MAST2: variants seen among roughly 807,000 people sequenced by gnomAD.
The protein encoded by MAST2 is microtubule associated serine/threonine kinase 2.
In MAST2, 70 loss-of-function variants were observed where a neutral mutation model predicts 147.4. The observed-to-expected ratio is 0.47, with a 90% CI of 0.39 to 0.58. The LOEUF (loss-of-function observed/expected upper bound fraction) is 0.58. Among genes scored for constraint, MAST2 ranks in the 20% least tolerant of loss-of-function variants. The probability of loss-of-function intolerance (pLI) is 0.00; values close to 1 mark genes in which losing one functional copy is unlikely to be tolerated. For missense variants in MAST2, 2,080 were observed against 2,302.3 expected (o/e 0.90, Z 1.98); for synonymous variants, 869 against 896.8 (o/e 0.97, Z 0.55).
At chr1:45,867,729 G>C (rs1646214065) in intron 3 of MAST2, among the ~76,000 whole-genome samples, 1 of 152,194 alleles carries the variant, frequency 6.6e-6, no homozygotes, top group African/African-American at 2.4e-5. Flanking sequence ...AAGCTCAGTA[G>C]CTTCCTCAAG....
At chr1:45,917,387 A>G in intron 4 of MAST2, 1 of 1,366,488 alleles carries the variant, frequency 7.3e-7, no homozygotes, top group Non-Finnish European at 9.8e-7. Flanking sequence ...ACATGTTTTC[A>G]CCCACATCTG....
chr1:45,905,077 C>A (rs1487170397), intron 4 of MAST2, among the ~76,000 whole-genome samples: 1 of 151,896 alleles, frequency 6.6e-6, no homozygotes, highest in Non-Finnish European at 1.5e-5. Flanking sequence ...TCCCAAAGTT[C>A]TGGGATTGTA....
chr1:45,863,625 A>C (rs554089563), intron 3 of MAST2, among the ~76,000 whole-genome samples: 5 of 152,214 alleles, frequency 3.3e-5, no homozygotes, highest in African/African-American at 1.2e-4. Flanking sequence ...ACTTTCCTTC[A>C]AGCCCTAGAC....
Position 46,034,933 on chromosome 1 carries a change from C to A in MAST2, c.4264C>A (p.Leu1422Ile), listed in dbSNP as rs767329333. The change falls in exon 29 of 29, where the codon CTA becomes ATA. Residue 1422 changes from leucine to isoleucine, a missense_variant. By Grantham distance (5) the Leu-to-Ile change is conservative (BLOSUM62 2). Coordinates refer to ENST00000361297, the MANE Select transcript of MAST2 (RefSeq NM_015112.3). ...AAALAASEKK[L>I]ATSRKHSLDL... is the part of the protein sequence containing the mutation. ...AGCACTTGCCGCCTCTGAGAAGAAG[C>A]TAGCCACTTCTCGCAAGCACAGCCT... 2 of 1,614,156 alleles carry A rather than the reference C, an allele frequency of 1.2e-6. No homozygotes were observed. The highest frequency in any genetic ancestry group is 8.5e-7 in the Non-Finnish European group (1 of 1,180,038).
intron 5 of MAST2, among the ~76,000 whole-genome samples, chr1:45,964,181 T>G (rs961636245): frequency 1.3e-5 from 2 of 152,238 alleles, no homozygotes; most frequent in African/African-American, 4.8e-5. Context: ...AATTCTCTTT[T>G]TTTGTTGTGT....
At chr1:45,936,270 A>G (rs1289250326) in intron 4 of MAST2, among the ~76,000 whole-genome samples, 1 of 152,210 alleles carries the variant, frequency 6.6e-6, no homozygotes, top group Non-Finnish European at 1.5e-5. Context: ...GCTGAAGTTT[A>G]TCAGATCTAG....
In MAST2 at chr1:46,031,644, C is replaced by G; in HGVS notation, c.3187+59C>G. Reference sequence around the variant, plus strand: ...AGGAAGGGCCTTGTAATCTCTAGGCCTTGGGAGGGTTCTGCACGTGGCAGG... The same window carrying G: ...AGGAAGGGCCTTGTAATCTCTAGGCGTTGGGAGGGTTCTGCACGTGGCAGG... On this transcript the variant is annotated intron_variant, in intron 24 of 28. Coordinates refer to ENST00000361297, the MANE Select transcript of MAST2 (RefSeq NM_015112.3). This position sits in a 1 kb window ranked among gnomAD's most constrained non-coding sequence, Gnocchi z 4.1. The G allele has an allele frequency of 6.5e-7, 1 of 1,530,008 alleles. No individual in the cohort carries two copies. The highest frequency in any genetic ancestry group is 8.9e-7 in the Non-Finnish European group (1 of 1,123,116). 94.8% of individuals were successfully genotyped at this position (1,530,008 alleles called of 1,614,324 possible). A position where few individuals can be genotyped will look rare whatever the true frequency, so the allele number is the denominator to read the frequency against.
At chr1:45,835,745 T>C (rs1645084128) in intron 3 of MAST2, among the ~76,000 whole-genome samples, 1 of 152,160 alleles carries the variant, frequency 6.6e-6, no homozygotes, top group Admixed American at 6.6e-5. Flanking sequence ...CCTCTACCCA[T>C]TAAACAGTCA....
chr1:45,969,505 C>T (rs1462185108), intron 5 of MAST2, among the ~76,000 whole-genome samples: 1 of 152,098 alleles, frequency 6.6e-6, no homozygotes, highest in Non-Finnish European at 1.5e-5. Context: ...TGAGCTCTGC[C>T]TCCTGTCAGA....
At position 46,035,526 on chromosome 1, in the gene MAST2, C is replaced by T; in HGVS notation, c.4857C>T (p.Ala1619=). The stretch of plus-strand genomic sequence containing the variant: ...TCCCTCCTGAAGGTTGCTGGAAGGC[C>T]CAGCACCTCCACACCCAGGCACTAA... ...DPIPPEGCWK[A]QHLHTQALTA... is the part of the protein sequence containing the mutation. The change falls in exon 29 of 29, where the codon GCC becomes GCT. Residue 1619 remains alanine (A), a synonymous_variant. Transcript: ENST00000361297. This position sits in a 1 kb window ranked among gnomAD's most constrained non-coding sequence, Gnocchi z 5.5. 1.2e-6 allele frequency: 2 copies of T among 1,613,282 alleles called. No homozygotes were observed. Among genetic ancestry groups the T allele is most frequent in the South Asian group, 2.2e-5 (2 of 91,068 alleles).
rs1194243280 is a variant in MAST2 at position 46,031,488 on chromosome 1, G to A, written c.3090G>A (p.Leu1030=). 11 of 1,614,048 alleles carry A rather than the reference G, an allele frequency of 6.8e-6. No individual in the cohort carries two copies. The highest frequency in any genetic ancestry group is 9.3e-6 in the Non-Finnish European group (11 of 1,180,026). Residue 1030 remains leucine, a synonymous_variant, in exon 24 of 29, where the codon CTG becomes CTA. Coordinates refer to ENST00000361297, the MANE Select transcript of MAST2 (RefSeq NM_015112.3). The surrounding 1 kb of genome is among the most constrained non-coding windows in gnomAD (Gnocchi z 4.1). ...DLAVRRARHR[L]LSGDSTEKRT... ...CTGTGCGTAGGGCCCGCCACCGGCT[G>A]CTCTCTGGGGACTCAACAGAGAAGC...
chr1:45,927,127 G>A lies in MAST2; in HGVS notation c.501-32259G>A, dbSNP rs555330474. 2.0e-5 allele frequency among the ~76,000 whole-genome samples: 3 copies of A among 152,308 alleles called. No homozygotes were observed. In the South Asian group the frequency reaches 6.2e-4, roughly 32 times the overall value. The stretch of plus-strand genomic sequence containing the variant: ...TTAGGGATTTTCAAAAGGGGAGGGA[G>A]TGTGCGAATAGGTGTGGGTGACAGA... On this transcript the variant is annotated intron_variant, in intron 4 of 28. Coordinates refer to ENST00000361297, the MANE Select transcript of MAST2 (RefSeq NM_015112.3).
chr1:46,022,170 G>A (rs1646215192), intron 12 of MAST2, 88 bp downstream of exon 12: 6 of 1,553,164 alleles, frequency 3.9e-6, no homozygotes, highest in Non-Finnish European at 5.3e-6. Context: ...AAGAGACTTA[G>A]CTTGGACATG....
chr1:45,873,385 A>G (rs1424405782), intron 3 of MAST2, among the ~76,000 whole-genome samples: 1 of 151,784 alleles, frequency 6.6e-6, no homozygotes, highest in East Asian at 1.9e-4. Context: ...ATTATTAGAG[A>G]CGAGGTCTCA....
At chr1:46,027,691 C>A in intron 16 of MAST2, 40 bp from the exon 17 acceptor site, 3 of 1,593,854 alleles carry the variant, frequency 1.9e-6, no homozygotes, top group Non-Finnish European at 2.6e-6. Context: ...TCTCAGAAAA[C>A]CAGGAATAAC....
intron 4 of MAST2, among the ~76,000 whole-genome samples, chr1:45,893,676 C>T (rs10890365): frequency 0.34 from 51,587 of 150,926 alleles, 9,179 homozygotes; most frequent in African/African-American, 0.44. Context: ...GACTCAGAAA[C>T]GTTATGGATA....
At chr1:46,011,829 T>G (rs1045735803) in intron 10 of MAST2, among the ~76,000 whole-genome samples, 1 of 152,170 alleles carries the variant, frequency 6.6e-6, no homozygotes, top group Admixed American at 6.5e-5. Context: ...TAAACAAATT[T>G]TCAGAGAACA....
intron 3 of MAST2, chr1:45,847,279 G>T: frequency 2.0e-6 from 1 of 511,716 alleles, no homozygotes; most frequent in Non-Finnish European, 4.0e-6. Context: ...ATGGTGTCCT[G>T]GGAACAGTGC....
At chr1:45,965,216 C>G (rs962870443) in intron 5 of MAST2, among the ~76,000 whole-genome samples, 3 of 152,122 alleles carry the variant, frequency 2.0e-5, no homozygotes, top group Non-Finnish European at 4.4e-5. Flanking sequence ...GTGGAGAGTT[C>G]TGTAGATGTC....
Sources: allele counts gnomAD v4.1 joint callset (sites outside exome capture counted in the v4.1 genomes callset), GRCh38; gene constraint gnomAD v4.1.1; non-coding constraint Gnocchi (gnomAD v3.1); transcripts MANE v1.5; gene names NCBI Gene and HGNC (gene_info 2026-07-23, HGNC 2026-07-21).